The following SIDT2 variants were observed in gnomAD, a reference collection of about 807,000 sequenced individuals.
The protein encoded by SIDT2 is SID1 transmembrane family, member 2.
In SIDT2, 68 loss-of-function variants were observed where a neutral mutation model predicts 114.4. The ratio of observed to expected loss-of-function variants is 0.59; its 90% CI spans 0.49 to 0.73. The LOEUF is 0.73. Ranked by LOEUF, SIDT2 falls within the 30% of genes least tolerant of loss-of-function variation. The probability of loss-of-function intolerance (pLI) is 0.00; values close to 1 mark genes in which losing one functional copy is unlikely to be tolerated. For missense variants in SIDT2, 918 were observed against 1,097.1 expected, an observed-to-expected ratio of 0.84 and a Z score of 2.31; for synonymous variants, 470 against 438.4, an observed-to-expected ratio of 1.07 and a Z score of -0.90.
At chr11:117,189,040 G>A (rs2030605562) in intron 13 of SIDT2, 129 bp from the exon 14 acceptor site, 1 of 1,062,162 alleles carries the variant, frequency 9.4e-7, no homozygotes, top group Non-Finnish European at 1.4e-6. Context: ...GCAGCAGTGG[G>A]ATGTCCTTGA....
Position 117,190,827 on chromosome 11 carries a change from C to T in SIDT2, c.1735+87C>T, listed in dbSNP as rs772203759. On this transcript the variant is annotated intron_variant, in intron 18 of 25. Transcript: ENST00000324225. The surrounding 1 kb of genome is among the most constrained non-coding windows in gnomAD (Gnocchi z 4.1). ...CTATCCCCAAGTCACCCACAGGGAT[C>T]GCTAAGACACCCCTGTAGGAAACTC... is the stretch of plus-strand genomic sequence containing the variant. The T allele has an allele frequency of 6.1e-5, 63 of 1,039,208 alleles. 1 individual carries two copies. The highest frequency in any genetic ancestry group is 1.1e-4 in the South Asian group (8 of 75,608). 64.4% of individuals were successfully genotyped at this position (1,039,208 alleles called of 1,614,324 possible).
In SIDT2 at chr11:117,182,196, G is replaced by A. The variant is rs561509002; in HGVS notation, c.516+91G>A. ...GCCAGCGGTCTTTGCTTGGCCTTTT[G>A]AATTGGCTGTTTTCTCCATGGAGGG... On this transcript the variant is annotated intron_variant, in intron 4 of 25. Transcript: ENST00000324225. 110 of 1,451,366 alleles carry A rather than the reference G, an allele frequency of 7.6e-5. No individual in the cohort carries two copies. The Middle Eastern group carries it at 1.5e-3, about 19-fold the overall frequency. The allele number at this position is 1,451,366 out of a possible 1,614,324, so 89.9% of individuals were successfully genotyped here. A position where few individuals can be genotyped will look rare whatever the true frequency, so the allele number is the denominator to read the frequency against.
At chr11:117,193,030 A>T in intron 22 of SIDT2, 123 bp from the exon 23 acceptor site, 1 of 1,345,040 alleles carries the variant, frequency 7.4e-7, no homozygotes, top group Non-Finnish European at 1.1e-6. Flanking sequence ...CTGGGCTTCT[A>T]GAATCTTCTG....
At position 117,182,602 on chromosome 11, in the gene SIDT2, C is replaced by T. The variant is rs201265580; in HGVS notation, c.600C>T (p.Ile200=). 1.2e-6 allele frequency: 2 copies of T among 1,614,268 alleles called. No individual in the cohort carries two copies. The highest frequency in any genetic ancestry group is 2.7e-5 in the African/African-American group (2 of 75,072). ...TSNKAFPCSV[I]SIQDVLCPVY... ...ACAAGGCCTTCCCCTGCTCAGTCAT[C>T]TCCATTCAGGATGTGCTGGTGAGTT... Residue 200 remains isoleucine, a synonymous_variant, in exon 5 of 26, where the codon ATC becomes ATT. Coordinates refer to ENST00000324225, the MANE Select transcript of SIDT2 (RefSeq NM_001040455.2).
At chr11:117,179,547 G>A (rs1032967051) in intron 1 of SIDT2, 101 bp downstream of exon 1, 119 of 1,288,644 alleles carry the variant, frequency 9.2e-5, no homozygotes, top group Middle Eastern at 2.1e-4. Flanking sequence ...CCAGGAACGA[G>A]CTGTCCTGCT....
chr11:117,182,479 C>T (rs2134248791), intron 4 of SIDT2, 40 bp from the exon 5 acceptor site: 3 of 1,559,394 alleles, frequency 1.9e-6, no homozygotes, highest in Non-Finnish European at 2.7e-6. Flanking sequence ...AGAGAGCATC[C>T]TCATGAGATG....
Position 117,189,319 on chromosome 11 carries a change from C to T in SIDT2, c.1353-16C>T, listed in dbSNP as rs1477217011. 5 of 1,614,084 alleles carry T rather than the reference C, an allele frequency of 3.1e-6. No homozygotes were observed. The highest frequency in any genetic ancestry group is 3.4e-6 in the Non-Finnish European group (4 of 1,180,004). Reference sequence around the variant, plus strand: ...TTGGGTGCCACCCACCTCACTGCCGCCCTCCTGCTCCGCAGGAACATTGCC... The same window carrying T: ...TTGGGTGCCACCCACCTCACTGCCGTCCTCCTGCTCCGCAGGAACATTGCC... On this transcript the variant is annotated splice_polypyrimidine_tract_variant and intron_variant, in intron 14 of 25. Transcript: ENST00000324225.
intron 14 of SIDT2, 28 bp from the exon 15 acceptor site, chr11:117,189,307 A>C: frequency 6.2e-7 from 1 of 1,614,080 alleles, no homozygotes; most frequent in African/African-American, 1.3e-5. Flanking sequence ...GGTGCCACCC[A>C]CCTCACTGCC....
chr11:117,189,022 A>G lies in SIDT2; in HGVS notation c.1279-147A>G, dbSNP rs564110334. On this transcript the variant is annotated intron_variant, in intron 13 of 25. Coordinates refer to ENST00000324225, the MANE Select transcript of SIDT2 (RefSeq NM_001040455.2). ...CTGATTGGCCAAACCCTCTTGGTCTAAGCGGCCGCAGCAGTGGGATGTCCT... is the reference window on the plus strand; with the variant it reads ...CTGATTGGCCAAACCCTCTTGGTCTGAGCGGCCGCAGCAGTGGGATGTCCT... The G allele has an allele frequency of 4.4e-5, 44 of 997,688 alleles. No homozygotes were observed. The South Asian group carries it at 6.1e-4, about 14-fold the overall frequency. The allele number at this position is 997,688 out of a possible 1,614,324, so 61.8% of individuals were successfully genotyped here.
intron 8 of SIDT2, among the ~76,000 whole-genome samples, chr11:117,185,251 G>A (rs776115217): frequency 4.6e-5 from 7 of 151,756 alleles, no homozygotes; most frequent in South Asian, 2.1e-4. Context: ...GAGTTTCACC[G>A]TGTTAGCCAG....
In SIDT2 at chr11:117,181,410, C is replaced by T. The variant is rs1421381218; in HGVS notation, c.184-6C>T. 1 of 1,613,388 alleles carries T rather than the reference C, an allele frequency of 6.2e-7. No individual in the cohort carries two copies. The highest frequency in any genetic ancestry group is 2.2e-5 in the East Asian group (1 of 44,832). On this transcript the variant is annotated splice_region_variant and splice_polypyrimidine_tract_variant and intron_variant, in intron 1 of 25. Transcript: ENST00000324225. ...GCTTGAGAGGCATTTCCATGTCGTT[C>T]TGCAGACAGAGGGCGTGCGTGTGTC... is the stretch of plus-strand genomic sequence containing the variant.
chr11:117,182,779 G>A lies in SIDT2; in HGVS notation c.675G>A (p.Met225Ile), dbSNP rs752301859. The change falls in exon 6 of 26, where the codon ATG (methionine) becomes ATA (isoleucine). Residue 225 changes from methionine to isoleucine, a missense_variant. By Grantham distance (10) the Met-to-Ile change is conservative. Transcript: ENST00000324225. ...CCTTCATCGGCATGTACCAGACGATGACCAAGAAGGCGGCCATCACCGTAC... is the reference window on the plus strand; with the variant it reads ...CCTTCATCGGCATGTACCAGACGATAACCAAGAAGGCGGCCATCACCGTAC... ...NVAFIGMYQT[M>I]TKKAAITVQR... 1.2e-6 allele frequency: 2 copies of A among 1,614,084 alleles called. No individual in the cohort carries two copies. Among genetic ancestry groups the A allele is most frequent in the Non-Finnish European group, 1.7e-6 (2 of 1,180,004 alleles).
chr11:117,197,147 C>G lies in SIDT2; in HGVS notation c.*1081C>G, dbSNP rs1010416413. On this transcript the variant is annotated 3_prime_UTR_variant, in exon 26 of 26. Transcript: ENST00000324225. ...CTGTGTTAGTCATGCACACACATAC[C>G]TATGAAACCTTGGAGTTTACAAAGA... The G allele has an allele frequency of 2.0e-5, 3 of 152,358 alleles. No individual in the cohort carries two copies. Among genetic ancestry groups the G allele is most frequent in the South Asian group, 4.1e-4 (2 of 4,834 alleles). The allele number at this position is 152,358 out of a possible 1,614,324, so 9.4% of individuals were successfully genotyped here. A position where few individuals can be genotyped will look rare whatever the true frequency, so the allele number is the denominator to read the frequency against.
intron 10 of SIDT2, chr11:117,186,941 C>A: frequency 6.7e-7 from 1 of 1,484,238 alleles, no homozygotes; most frequent in Non-Finnish European, 9.0e-7. Flanking sequence ...TCTCTTCCAC[C>A]CCTCCCTCTC....
Position 117,189,394 on chromosome 11 carries a change from A to C in SIDT2, c.1412A>C (p.Tyr471Ser), listed in dbSNP as rs1591769960. ...CCTGTGGTGCAGCTGGTGATCACCT[A>C]CCAGACGGTGAGAGGGCAGGGCAGG... Reference protein sequence around the residue: ...ALPVVQLVITYQTVVNVTGNQ... With the variant: ...ALPVVQLVITSQTVVNVTGNQ... The change falls in exon 15 of 26, where the codon TAC becomes TCC. Residue 471 changes from tyrosine to serine, a missense_variant. By Grantham distance (144) the Tyr-to-Ser change is moderately radical. Transcript: ENST00000324225. 1 of 1,613,936 alleles carries C rather than the reference A, an allele frequency of 6.2e-7. No individual in the cohort carries two copies. The highest frequency in any genetic ancestry group is 8.5e-7 in the Non-Finnish European group (1 of 1,179,936).
chr11:117,182,140 A>G (rs763953952), intron 4 of SIDT2, 35 bp downstream of exon 4: 16 of 1,611,414 alleles, frequency 9.9e-6, no homozygotes, highest in Non-Finnish European at 1.0e-5. Flanking sequence ...GAGAGGAGAA[A>G]TGGGGGAGCT....
At chr11:117,180,573 T>C (rs1322615636) in intron 1 of SIDT2, among the ~76,000 whole-genome samples, 1 of 149,882 alleles carries the variant, frequency 6.7e-6, no homozygotes, top group African/African-American at 2.5e-5. Context: ...TCTCACTCTG[T>C]TGCCCAGGCT....
At chr11:117,183,150 C>T (rs981845841) in intron 6 of SIDT2, among the ~76,000 whole-genome samples, 6 of 152,150 alleles carry the variant, frequency 3.9e-5, no homozygotes, top group African/African-American at 1.4e-4. Flanking sequence ...TCAAGACCAG[C>T]CTGGCCAACA....
Position 117,181,816 on chromosome 11 carries a change from C to T in SIDT2, c.315C>T (p.Arg105=), listed in dbSNP as rs61729990. 1.9e-6 allele frequency: 3 copies of T among 1,614,164 alleles called. No homozygotes were observed. Among genetic ancestry groups the T allele is most frequent in the East Asian group, 2.2e-5 (1 of 44,864 alleles). The change falls in exon 3 of 26, where the codon CGC becomes CGT. Residue 105 remains arginine (R), a synonymous_variant. Coordinates refer to ENST00000324225, the MANE Select transcript of SIDT2 (RefSeq NM_001040455.2). The part of the protein sequence containing the change: ...VPLILRGMFQ[R]KYLYQKVERT... ...CTGCTTCGGGCCATAGGTTTCAGCGCAAGTACCTCTACCAAAAAGTGGAAC... is the reference window on the plus strand; with the variant it reads ...CTGCTTCGGGCCATAGGTTTCAGCGTAAGTACCTCTACCAAAAAGTGGAAC...
Sources: gnomAD v4.1 joint callset for allele counts (sites outside exome capture counted in the v4.1 genomes callset) on GRCh38, gnomAD v4.1.1 for gene constraint, Gnocchi (gnomAD v3.1) non-coding constraint, MANE v1.5 for transcripts, NCBI Gene and HGNC (gene_info 2026-07-23, HGNC 2026-07-21) for gene names.